DENND1A: variants seen among roughly 807,000 people sequenced by gnomAD.
DENND1A encodes the protein DENN domain-containing protein 1A.
A neutral mutation model predicts 113.7 loss-of-function variants in DENND1A; 51 were observed. That is an observed-to-expected ratio of 0.45 (90% CI 0.36 to 0.57). The LOEUF (loss-of-function observed/expected upper bound fraction) is 0.57, where lower values mean the gene tolerates loss of function less well. Among genes scored for constraint, DENND1A ranks in the 20% least tolerant of loss-of-function variants. The pLI, the probability that DENND1A is intolerant of heterozygous loss-of-function variation, is 0.00. For missense variants in DENND1A, 1,258 were observed against 1,395.9 expected (o/e 0.90, Z 1.57); for synonymous variants, 565 against 570.8 (o/e 0.99, Z 0.14).
At chr9:123,629,848 ATT>A (rs2061399861) in intron 10 of DENND1A, among the ~76,000 whole-genome samples, 1 of 152,182 alleles carries the variant, frequency 6.6e-6, no homozygotes. Context: ...CCAGTTTACA[ATT>A]TGTCTTAGGA....
intron 13 of DENND1A, among the ~76,000 whole-genome samples, chr9:123,469,904 G>A (rs966156320): frequency 2.6e-5 from 4 of 152,212 alleles, no homozygotes; most frequent in Admixed American, 6.5e-5. Context: ...AGTTTGAAAC[G>A]AAGTCTGTCT....
chr9:123,814,251 T>C (rs1196194795), intron 2 of DENND1A, among the ~76,000 whole-genome samples: 2 of 152,162 alleles, frequency 1.3e-5, no homozygotes, highest in South Asian at 2.1e-4. Context: ...ATCAATTCTA[T>C]TATAAAAATT....
In DENND1A at chr9:123,699,080, T is replaced by C. The variant is rs567737036; in HGVS notation, c.303-22291A>G. ...ACTTAACCCGTGGTTCCCCCTACTT[T>C]TTTTTTAATGGAGCCAACTAAAGAG... On this transcript the variant is annotated intron_variant, in intron 5 of 23. Coordinates refer to ENST00000394215, the MANE Select transcript of DENND1A (RefSeq NM_001352964.2). Among the ~76,000 whole-genome samples the C allele has an allele frequency of 3.7e-5, 5 of 133,440 alleles. No individual in the cohort carries two copies. The South Asian group carries it at 1.1e-3, about 30-fold the overall frequency. The allele number at this position is 133,440 out of a possible 152,430, so 87.5% of individuals were successfully genotyped here.
At chr9:123,475,039 A>G (rs1023103910) in intron 13 of DENND1A, among the ~76,000 whole-genome samples, 7 of 151,946 alleles carry the variant, frequency 4.6e-5, no homozygotes, top group South Asian at 2.1e-4. Context: ...TTTTTTTTTG[A>G]GACAGAGTCT....
At chr9:123,529,113 A>T (rs948706676) in intron 13 of DENND1A, among the ~76,000 whole-genome samples, 6 of 152,224 alleles carry the variant, frequency 3.9e-5, no homozygotes, top group Admixed American at 3.3e-4. Context: ...GTCAAATAAC[A>T]TATGACCAAT....
intron 13 of DENND1A, among the ~76,000 whole-genome samples, chr9:123,481,969 T>A (rs1272901337): frequency 6.6e-6 from 1 of 151,808 alleles, no homozygotes; most frequent in Non-Finnish European, 1.5e-5. Context: ...CTATTTTTTT[T>A]TCTTTTGTAT....
intron 12 of DENND1A, among the ~76,000 whole-genome samples, chr9:123,569,373 G>A (rs961094117): frequency 5.9e-5 from 9 of 152,312 alleles, no homozygotes; most frequent in Middle Eastern, 3.4e-3. Context: ...TGGTATGAAA[G>A]TAAAGTAAAA....
At chr9:123,667,284 C>A (rs143304844) in intron 7 of DENND1A, among the ~76,000 whole-genome samples, 25 of 152,206 alleles carry the variant, frequency 1.6e-4, no homozygotes, top group Admixed American at 4.6e-4. Flanking sequence ...AGATGGAGTT[C>A]TTTTCTATGA....
intron 5 of DENND1A, among the ~76,000 whole-genome samples, chr9:123,679,570 A>G (rs536612164): frequency 2.0e-5 from 3 of 152,352 alleles, no homozygotes; most frequent in East Asian, 3.9e-4. Flanking sequence ...TCACAGATGA[A>G]TATCTAGTGA....
chr9:123,464,482 G>C (rs1284798111), intron 13 of DENND1A, among the ~76,000 whole-genome samples: 1 of 152,250 alleles, frequency 6.6e-6, no homozygotes, highest in Non-Finnish European at 1.5e-5. Flanking sequence ...TAAGCCAGTC[G>C]CAAATAGATC....
intron 5 of DENND1A, among the ~76,000 whole-genome samples, chr9:123,722,528 G>GAAAA (rs1430093650): frequency 1.3e-5 from 2 of 152,078 alleles, no homozygotes; most frequent in African/African-American, 4.8e-5. Flanking sequence ...GGTTTAGGAG[G>GAAAA]AAAAAATGGT....
At chr9:123,414,044 G>A (rs991162241) in intron 19 of DENND1A, 2 of 992,834 alleles carry the variant, frequency 2.0e-6, no homozygotes, top group Non-Finnish European at 2.4e-6. Flanking sequence ...GTCACCTCTG[G>A]CTTGGGCTAT....
At chr9:123,400,835 C>G (rs567535835) in intron 21 of DENND1A, 1 of 152,276 alleles carries the variant, frequency 6.6e-6, no homozygotes, top group African/African-American at 2.4e-5. Flanking sequence ...CTCGCCTTGG[C>G]CTCCCAAAGT....
chr9:123,679,072 A>G (rs1026909822), intron 5 of DENND1A, among the ~76,000 whole-genome samples: 7 of 152,218 alleles, frequency 4.6e-5, no homozygotes, highest in Admixed American at 4.6e-4. Context: ...AGTTAAATCC[A>G]GCCACTGAAA....
At chr9:123,805,108 G>T (rs141158850) in intron 2 of DENND1A, among the ~76,000 whole-genome samples, 1 of 152,074 alleles carries the variant, frequency 6.6e-6, no homozygotes, top group East Asian at 1.9e-4. Context: ...AAGGAATAAG[G>T]CATGTGCTAT....
At chr9:123,507,886 A>T (rs760461995) in intron 13 of DENND1A, among the ~76,000 whole-genome samples, 2 of 152,178 alleles carry the variant, frequency 1.3e-5, no homozygotes, top group Non-Finnish European at 2.9e-5. Flanking sequence ...ACTAGTGTTC[A>T]GAGAGTTAAA....
rs963696266 is a variant in DENND1A at position 123,834,436 on chromosome 9, T to C, written c.89-41806A>G. 4.6e-5 allele frequency among the ~76,000 whole-genome samples: 7 copies of C among 152,196 alleles called. No homozygotes were observed. The South Asian group carries it at 1.4e-3, about 31-fold the overall frequency. On this transcript the variant is annotated intron_variant, in intron 2 of 23. Coordinates refer to ENST00000394215, the MANE Select transcript of DENND1A (RefSeq NM_001352964.2). The stretch of plus-strand genomic sequence containing the variant: ...AGAGACATCAAATAATTTGCACAAT[T>C]AACAAAGCAAGTAGCAGAGGGAGCT...
chr9:123,516,909 A>AAAAAAAAAAAAAAAAAAAAAC (rs1173480563), intron 13 of DENND1A, among the ~76,000 whole-genome samples: 1 of 103,180 alleles, frequency 9.7e-6, no homozygotes, highest in African/African-American at 3.0e-5. Context: ...AAAAAAAAAA[A>AAAAAAAAAAAAAAAAAAAAAC]AAAAAAAAAA....
Position 123,383,671 on chromosome 9 carries a change from C to T in DENND1A, c.2003G>A (p.Gly668Glu), listed in dbSNP as rs1457013747. 6.2e-7 allele frequency: 1 copy of T among 1,613,804 alleles called. No homozygotes were observed. The highest frequency in any genetic ancestry group is 1.7e-5 in the Admixed American group (1 of 60,024). The change falls in exon 23 of 24, where the codon GGG becomes GAG. Residue 668 changes from glycine (G) to glutamate (E), a missense_variant. By Grantham distance (98) the Gly-to-Glu change is moderately conservative. Around this residue, in one of 2 missense-constraint regions of DENND1A, gnomAD observed 1,159 missense variants for 1,231.7 expected, o/e 0.94. Transcript: ENST00000394215. ...ATGCCATACCTGATAGTCAAAGGTC[C>T]CTGGCTGCTCCCTCAGGTCTTTGGG... is the stretch of plus-strand genomic sequence containing the variant. ...RAPKDLREQP[G>E]TFDYQRLDLG...
Sources: allele counts gnomAD v4.1 joint callset (sites outside exome capture counted in the v4.1 genomes callset), GRCh38; gene constraint gnomAD v4.1.1; regional missense constraint gnomAD v4.1.1; transcripts MANE v1.5; gene names NCBI Gene and HGNC (gene_info 2026-07-23, HGNC 2026-07-21).